PDE1C: variants seen among roughly 807,000 people sequenced by gnomAD.
PDE1C encodes dual specificity calcium/calmodulin-dependent 3',5'-cyclic nucleotide phosphodiesterase 1C.
PDE1C carries 62 observed loss-of-function variants against 93.1 expected under a neutral mutation model. The observed-to-expected ratio is 0.67, with a 90% CI of 0.54 to 0.82. The LOEUF (loss-of-function observed/expected upper bound fraction) is 0.82, where lower values mean the gene tolerates loss of function less well. Ranked by LOEUF, PDE1C falls within the 40% of genes least tolerant of loss-of-function variation. The pLI, the probability that PDE1C is intolerant of heterozygous loss-of-function variation, is 0.00. For missense variants in PDE1C, 742 were observed against 884.6 expected (o/e 0.84, Z 2.04); for synonymous variants, 325 against 310.1 (o/e 1.05, Z -0.50).
chr7:31,629,490 G>A, the PDE1C span, among the ~76,000 whole-genome samples: 1 of 152,166 alleles, frequency 6.6e-6, no homozygotes, highest in Non-Finnish European at 1.5e-5. Flanking sequence ...TCATTAGGTT[G>A]TGCCCTCTGA....
the PDE1C span, among the ~76,000 whole-genome samples, chr7:31,666,169 A>G: frequency 6.6e-6 from 1 of 152,244 alleles, no homozygotes; most frequent in African/African-American, 2.4e-5. Context: ...GTTGGATGTT[A>G]GCTGTAGAAA....
chr7:32,005,650 G>A (rs552174977), intron 2 of PDE1C, among the ~76,000 whole-genome samples: 4 of 149,660 alleles, frequency 2.7e-5, no homozygotes, highest in African/African-American at 9.9e-5. Flanking sequence ...AAGAAGGGGT[G>A]TATGAGTGTA....
intron 3 of PDE1C, among the ~76,000 whole-genome samples, chr7:32,082,043 C>A (rs1332474726): frequency 6.6e-6 from 1 of 152,238 alleles, no homozygotes; most frequent in African/African-American, 2.4e-5. Context: ...CATGCGCGAG[C>A]CAAAGCAGGG....
chr7:31,687,397 T>C, the PDE1C span: 1 of 152,242 alleles, frequency 6.6e-6, no homozygotes, highest in Admixed American at 6.5e-5. Flanking sequence ...CTGTAGCTGG[T>C]GGCACGGGGT....
At chr7:31,628,315 G>T in the PDE1C span, among the ~76,000 whole-genome samples, 8 of 152,100 alleles carry the variant, frequency 5.3e-5, no homozygotes, top group Non-Finnish European at 1.2e-4. Flanking sequence ...GGTAACAGGG[G>T]CAAGGAAGGA....
the PDE1C span, chr7:31,656,619 C>A: frequency 2.6e-6 from 1 of 390,010 alleles, no homozygotes; most frequent in Non-Finnish European, 3.5e-6. Flanking sequence ...TCTCAGGAGA[C>A]AATGAAGAGA....
intron 9 of PDE1C, among the ~76,000 whole-genome samples, chr7:31,842,859 A>G (rs577833628): frequency 1.3e-5 from 2 of 151,920 alleles, no homozygotes; most frequent in South Asian, 4.1e-4. Context: ...CTTTCCTACT[A>G]TGAACATTTA....
intron 2 of PDE1C, among the ~76,000 whole-genome samples, chr7:32,191,245 C>A (rs1439886569): frequency 2.0e-5 from 3 of 152,080 alleles, no homozygotes; most frequent in Non-Finnish European, 4.4e-5. Flanking sequence ...TATGAAGTTT[C>A]CCCCAGTGGT....
At chr7:31,726,352 C>G in the PDE1C span, among the ~76,000 whole-genome samples, 5 of 152,108 alleles carry the variant, frequency 3.3e-5, no homozygotes, top group African/African-American at 4.8e-5. Flanking sequence ...GCCACTGCAC[C>G]TAGCAAAATA....
chr7:31,803,062 C>A (rs997082499), intron 16 of PDE1C, among the ~76,000 whole-genome samples: 3 of 151,776 alleles, frequency 2.0e-5, no homozygotes, highest in Admixed American at 6.6e-5. Context: ...AGGTGTCCTA[C>A]AATTCTGTTT....
intron 1 of PDE1C, among the ~76,000 whole-genome samples, chr7:32,365,698 C>A (rs150838611): frequency 1.3e-5 from 2 of 152,142 alleles, no homozygotes; most frequent in East Asian, 3.9e-4. Flanking sequence ...CCGACCCCAG[C>A]CTCAAGATGG....
chr7:31,870,172 A>G (rs1245562040), intron 6 of PDE1C, among the ~76,000 whole-genome samples: 1 of 152,014 alleles, frequency 6.6e-6, no homozygotes, highest in African/African-American at 2.4e-5. Context: ...CAAATAAACA[A>G]TCTAACACTG....
intron 6 of PDE1C, among the ~76,000 whole-genome samples, chr7:31,865,673 A>G (rs2128841142): frequency 6.6e-6 from 1 of 152,306 alleles, no homozygotes; most frequent in South Asian, 2.1e-4. Context: ...ACATAAGAAC[A>G]TAGCCTGTTT....
chr7:32,147,372 T>C (rs958845964), intron 3 of PDE1C, among the ~76,000 whole-genome samples: 2 of 152,012 alleles, frequency 1.3e-5, no homozygotes, highest in Admixed American at 6.6e-5. Context: ...CATAAAATGT[T>C]TGTCTTTGGG....
chr7:32,293,829 A>C (rs1004169666), intron 1 of PDE1C, among the ~76,000 whole-genome samples: 2 of 151,842 alleles, frequency 1.3e-5, no homozygotes, highest in Non-Finnish European at 2.9e-5. Context: ...CCCTGCCATC[A>C]CTCCCAACCA....
intron 1 of PDE1C, among the ~76,000 whole-genome samples, chr7:32,389,162 G>GTGTGTGTGTC (rs1377346406): frequency 1.0e-3 from 139 of 135,870 alleles, no homozygotes; most frequent in African/African-American, 3.9e-3. Flanking sequence ...GCTGACGTGT[G>GTGTGTGTGTC]TGTGTGTGTG....
chr7:31,707,007 T>C, the PDE1C span, among the ~76,000 whole-genome samples: 1 of 152,200 alleles, frequency 6.6e-6, no homozygotes, highest in African/African-American at 2.4e-5. Flanking sequence ...ACCAGAATCG[T>C]GTCCTCATTG....
rs79270871 is a variant in PDE1C at position 31,823,651 on chromosome 7, C to T, written c.1407-403G>A. ...ACCACTTTTCCAAGTTACCTAGCAACTTGCTCCTCTTTCTTTCCAGCTCTA... is the reference window on the plus strand; with the variant it reads ...ACCACTTTTCCAAGTTACCTAGCAATTTGCTCCTCTTTCTTTCCAGCTCTA... On this transcript the variant is annotated intron_variant, in intron 13 of 17. Coordinates refer to ENST00000396191, the MANE Select transcript of PDE1C (RefSeq NM_001191057.4). Among the ~76,000 whole-genome samples the T allele has an allele frequency of 6.0e-3, 915 of 152,210 alleles. 7 individuals carry two copies. Among genetic ancestry groups the T allele is most frequent in the African/African-American group, 0.021 (864 of 41,532 alleles).
At chr7:31,900,901 T>A (rs1457804837) in intron 2 of PDE1C, among the ~76,000 whole-genome samples, 4 of 151,856 alleles carry the variant, frequency 2.6e-5, no homozygotes, top group Non-Finnish European at 5.9e-5. Flanking sequence ...AATAAATAAG[T>A]TCACAAAAGT....
Sources: allele counts gnomAD v4.1 joint callset (sites outside exome capture counted in the v4.1 genomes callset), GRCh38; gene constraint gnomAD v4.1.1; transcripts MANE v1.5; gene names NCBI Gene and HGNC (gene_info 2026-07-23, HGNC 2026-07-21).